Variants in IGBP1C observed in about 807,000 individuals in gnomAD.
The protein encoded by IGBP1C is immunoglobulin-binding protein 1 family member C.
At chr17:58,674,605 G>T in the IGBP1C span, among the ~76,000 whole-genome samples, 1 of 151,924 alleles carries the variant, frequency 6.6e-6, no homozygotes, top group Non-Finnish European at 1.5e-5. Context: ...GGGAGGCGGA[G>T]GTTGCAGTGA....
chr17:58,685,084 C>T, the IGBP1C span, among the ~76,000 whole-genome samples: 2 of 152,010 alleles, frequency 1.3e-5, no homozygotes, highest in Admixed American at 1.3e-4. Flanking sequence ...ATGAAAAATC[C>T]ATTTATAATT....
chr17:58,677,236 T>C, the IGBP1C span, among the ~76,000 whole-genome samples: 22,301 of 152,070 alleles, frequency 0.15, 2,527 homozygotes, highest in East Asian at 0.31. Context: ...TGAGCCATGA[T>C]TGAGCACCAC....
At chr17:58,673,462 G>A in the IGBP1C span, among the ~76,000 whole-genome samples, 5 of 150,212 alleles carry the variant, frequency 3.3e-5, no homozygotes, top group African/African-American at 7.4e-5. Context: ...CAGCCTACAC[G>A]ACAGAGTGAG....
chr17:58,663,371 G>A, the IGBP1C span, among the ~76,000 whole-genome samples: 3 of 143,002 alleles, frequency 2.1e-5, no homozygotes, highest in Non-Finnish European at 3.0e-5. Flanking sequence ...GCAGTAAGCC[G>A]AGATCACACC....
chr17:58,672,898 AT>A, the IGBP1C span, among the ~76,000 whole-genome samples: 11 of 141,528 alleles, frequency 7.8e-5, no homozygotes, highest in African/African-American at 2.9e-4. Flanking sequence ...TGCCTGACTA[AT>A]TTTTGTATTT....
chr17:58,667,929 T>C, the IGBP1C span, among the ~76,000 whole-genome samples: 1 of 152,084 alleles, frequency 6.6e-6, no homozygotes, highest in Non-Finnish European at 1.5e-5. Flanking sequence ...TCTTGTTTGC[T>C]TGGCCAAACC....
At chr17:58,691,157 G>GCTTTTTTT in the IGBP1C span, among the ~76,000 whole-genome samples, 1 of 151,962 alleles carries the variant, frequency 6.6e-6, no homozygotes, top group Non-Finnish European at 1.5e-5. Flanking sequence ...CGCCCGGCCA[G>GCTTTTTTT]CTTTTTTTCT....
chr17:58,670,666 G>A, the IGBP1C span, among the ~76,000 whole-genome samples: 1 of 147,720 alleles, frequency 6.8e-6, no homozygotes, highest in African/African-American at 2.5e-5. Context: ...CCAGCTACTT[G>A]AGAGGCTGAG....
chr17:58,678,284 A>C, the IGBP1C span, among the ~76,000 whole-genome samples: 1 of 152,230 alleles, frequency 6.6e-6, no homozygotes, highest in Non-Finnish European at 1.5e-5. Context: ...TCAAGGATCT[A>C]GAACTAGAAA....
the IGBP1C span, among the ~76,000 whole-genome samples, chr17:58,670,807 A>T: frequency 6.7e-6 from 1 of 149,320 alleles, no homozygotes; most frequent in African/African-American, 2.5e-5. Flanking sequence ...AAAAGTGACT[A>T]TACTTAATAT....
the IGBP1C span, among the ~76,000 whole-genome samples, chr17:58,688,873 T>C: frequency 6.6e-6 from 1 of 152,162 alleles, no homozygotes; most frequent in Non-Finnish European, 1.5e-5. Context: ...CCTCATACTT[T>C]TCTCTTAAAT....
At chr17:58,689,009 C>T in the IGBP1C span, among the ~76,000 whole-genome samples, 3 of 152,084 alleles carry the variant, frequency 2.0e-5, no homozygotes, top group Non-Finnish European at 4.4e-5. Context: ...TGGCTCACTG[C>T]AAGCTCTGCC....
At chr17:58,669,092 C>G in the IGBP1C span, among the ~76,000 whole-genome samples, 1 of 152,268 alleles carries the variant, frequency 6.6e-6, no homozygotes, top group East Asian at 1.9e-4. Context: ...TGGCTCATGC[C>G]TATAATCCCA....
At chr17:58,664,056 A>T in the IGBP1C span, among the ~76,000 whole-genome samples, 1 of 152,166 alleles carries the variant, frequency 6.6e-6, no homozygotes, top group African/African-American at 2.4e-5. Context: ...ACAACAAAAA[A>T]ACAACAGCAA....
At chr17:58,663,057 C>T in the IGBP1C span, among the ~76,000 whole-genome samples, 131 of 149,876 alleles carry the variant, frequency 8.7e-4, 1 homozygote, top group Non-Finnish European at 1.6e-3. Flanking sequence ...TGCAGTGAGC[C>T]GAGATGGCAC....
chr17:58,665,551 G>A, the IGBP1C span, among the ~76,000 whole-genome samples: 22,181 of 151,656 alleles, frequency 0.15, 2,511 homozygotes, highest in East Asian at 0.31. Flanking sequence ...AGCCGAGATC[G>A]CGCCACTGCA....
the IGBP1C span, among the ~76,000 whole-genome samples, chr17:58,662,310 C>T: frequency 2.0e-5 from 3 of 151,590 alleles, no homozygotes; most frequent in East Asian, 3.9e-4. Context: ...ATTAGCTGGG[C>T]GTGGTGGCGG....
chr17:58,688,810 G>T, the IGBP1C span, among the ~76,000 whole-genome samples: 7 of 152,236 alleles, frequency 4.6e-5, no homozygotes, highest in East Asian at 1.2e-3. Context: ...ATATTCCCGG[G>T]GGGGGTTTGG....
the IGBP1C span, among the ~76,000 whole-genome samples, chr17:58,682,640 C>CTGGGATTA: frequency 3.9e-5 from 6 of 152,084 alleles, no homozygotes; most frequent in Non-Finnish European, 7.4e-5. Context: ...TCCCAAAGTG[C>CTGGGATTA]TGGGATTATA....
Sources: allele counts gnomAD v4.1 joint callset (sites outside exome capture counted in the v4.1 genomes callset), GRCh38; gene constraint gnomAD v4.1.1; transcripts MANE v1.5; gene names NCBI Gene and HGNC (gene_info 2026-07-23, HGNC 2026-07-21).